The following TNRC6A variants were observed in gnomAD, a reference collection of about 807,000 sequenced individuals.
TNRC6A encodes the protein trinucleotide repeat containing adaptor 6A, also known as trinucleotide repeat-containing gene 6A protein.
Under a neutral mutation model 221.2 loss-of-function variants are expected in TNRC6A, and 44 were observed. That is an observed-to-expected ratio of 0.20 (90% CI 0.16 to 0.26). The LOEUF (loss-of-function observed/expected upper bound fraction) is 0.26, where lower values mean the gene tolerates loss of function less well. Among genes scored for constraint, TNRC6A ranks in the 10% least tolerant of loss-of-function variants. The probability of loss-of-function intolerance (pLI) is 1.00; values close to 1 mark genes in which losing one functional copy is unlikely to be tolerated. For synonymous variants in TNRC6A, 847 were observed against 838.5 expected, an observed-to-expected ratio of 1.01 and a Z score of -0.18; for missense variants, 2,199 against 2,404.4, an observed-to-expected ratio of 0.91 and a Z score of 1.79.
rs187522500 is a variant in TNRC6A at position 24,782,376 on chromosome 16, G to C, written c.589+5018G>C. Among the ~76,000 whole-genome samples, 246 of 152,240 alleles carry C rather than the reference G, an allele frequency of 1.6e-3. 5 individuals are homozygous for C. Among genetic ancestry groups the C allele is most frequent in the Non-Finnish European group, 2.6e-4 (18 of 68,012 alleles). On this transcript the variant is annotated intron_variant, in intron 5 of 24. Transcript: ENST00000395799. ...GGAACAGAGATCTGGGCCTATTTTA[G>C]TCCAGCTTTTTTGGGAGGTACCTAC...
chr16:24,689,989 TAAAAA>T (rs60944175), intron 2 of TNRC6A, among the ~76,000 whole-genome samples: 19 of 97,504 alleles, frequency 1.9e-4, no homozygotes, highest in East Asian at 3.5e-4. Flanking sequence ...AGGCTTAAAG[TAAAAA>T]AAAAAAAAAA....
chr16:24,805,883 C>G (rs574726101), intron 15 of TNRC6A, 150 bp downstream of exon 15: 4 of 1,115,888 alleles, frequency 3.6e-6, no homozygotes, highest in South Asian at 1.6e-5. Flanking sequence ...GGAGACAGAT[C>G]GTGAACATTT....
At chr16:24,743,692 C>T (rs919184968) in intron 2 of TNRC6A, among the ~76,000 whole-genome samples, 3 of 152,186 alleles carry the variant, frequency 2.0e-5, no homozygotes, top group African/African-American at 7.2e-5. Flanking sequence ...ATCCTTAACC[C>T]TTAATCCTCA....
chr16:24,738,085 G>A (rs867416796), intron 2 of TNRC6A, among the ~76,000 whole-genome samples: 3 of 152,156 alleles, frequency 2.0e-5, no homozygotes, highest in East Asian at 1.9e-4. Context: ...CTCGAGCCAC[G>A]TTTCTGAGGC....
chr16:24,663,915 G>GT, intron 2 of TNRC6A: 1 of 456,628 alleles, frequency 2.2e-6, no homozygotes, highest in Non-Finnish European at 4.4e-6. Flanking sequence ...ATTTTAAGCC[G>GT]TTAGCAGTTA....
rs2056599350 is a variant in TNRC6A, at chr16:24,730,297, G to C, written c.50G>C (p.Ser17Thr). 10 of 1,602,414 alleles carry C rather than the reference G, an allele frequency of 6.2e-6. 1 individual carries two copies. Among genetic ancestry groups the C allele is most frequent in the Non-Finnish European group, 8.5e-6 (10 of 1,175,674 alleles). The change falls in exon 2 of 25, where the codon AGC becomes ACC. Residue 17 changes from serine (S) to threonine (T), a missense_variant. Around this residue, in one of 8 missense-constraint regions of TNRC6A, gnomAD observed 1,405 missense variants for 1,400.2 expected, o/e 1.00. Transcript: ENST00000395799. ...ACCAAAGACGTAGAAAGAAATCTTA[G>C]CAGGTAAGATGGGCGAGCTTTCCGT... is the stretch of plus-strand genomic sequence containing the variant. ...KATKDVERNLSRDLVQEEEQL... is the reference protein window; with the variant it reads ...KATKDVERNLTRDLVQEEEQL...
chr16:24,748,460 C>G (rs188934309), intron 2 of TNRC6A, among the ~76,000 whole-genome samples: 18 of 152,166 alleles, frequency 1.2e-4, no homozygotes, highest in African/African-American at 4.1e-4. Context: ...GAGTCATGGC[C>G]ACAGTTGGCA....
intron 21 of TNRC6A, chr16:24,819,545 T>TTTTTCTTA (rs1174161212): frequency 6.9e-6 from 1 of 145,178 alleles, no homozygotes; most frequent in African/African-American, 2.6e-5. Flanking sequence ...TTTTTTGTTT[T>TTTTTCTTA]GCCATACAGG....
intron 2 of TNRC6A, among the ~76,000 whole-genome samples, chr16:24,721,528 A>C (rs1396884536): frequency 6.6e-6 from 1 of 151,814 alleles, no homozygotes; most frequent in Non-Finnish European, 1.5e-5. Context: ...TAGTAGGGCC[A>C]GGTGCCATGC....
chr16:24,817,141 CGAA>C (rs780207087), intron 20 of TNRC6A, among the ~76,000 whole-genome samples, 185 bp downstream of exon 20: 5 of 152,014 alleles, frequency 3.3e-5, no homozygotes, highest in Non-Finnish European at 7.4e-5. Context: ...AGAAAGAAAA[CGAA>C]GAAGAAGAAT....
At chr16:24,633,256 G>C (rs1373766718) in intron 1 of TNRC6A, among the ~76,000 whole-genome samples, 1 of 152,140 alleles carries the variant, frequency 6.6e-6, no homozygotes, top group Admixed American at 6.5e-5. Flanking sequence ...TCAGCTCAGA[G>C]TATTATCTCT....
chr16:24,688,100 T>C (rs2055679608), intron 2 of TNRC6A, among the ~76,000 whole-genome samples: 1 of 93,752 alleles, frequency 1.1e-5, no homozygotes, highest in Non-Finnish European at 2.1e-5. Context: ...GCCCTGCTAA[T>C]TTTTTTTTTT....
intron 21 of TNRC6A, chr16:24,819,551 A>G (rs2058727207): frequency 9.8e-6 from 1 of 101,846 alleles, no homozygotes; most frequent in Non-Finnish European, 2.0e-5. Flanking sequence ...GTTTTGCCAT[A>G]CAGGCTTAGT....
At chr16:24,692,474 G>T (rs1056722272) in intron 2 of TNRC6A, among the ~76,000 whole-genome samples, 33 of 152,106 alleles carry the variant, frequency 2.2e-4, no homozygotes, top group African/African-American at 8.0e-4. Flanking sequence ...GGAGGCTGAG[G>T]CAGGAGAATC....
chr16:24,785,107 A>T, intron 5 of TNRC6A, among the ~76,000 whole-genome samples: 1 of 152,202 alleles, frequency 6.6e-6, no homozygotes, highest in East Asian at 1.9e-4. Flanking sequence ...TATCTTTGAC[A>T]TATACTTGGA....
rs142527792 is a variant in TNRC6A at position 24,644,588 on chromosome 16, C to T, written n.402+3579C>T. Among the ~76,000 whole-genome samples the T allele has an allele frequency of 3.9e-3, 586 of 152,128 alleles. 5 individuals carry two copies. The highest frequency in any genetic ancestry group is 0.013 in the African/African-American group (553 of 41,510). On this transcript the variant is annotated intron_variant and non_coding_transcript_variant, in intron 2 of 2. Transcript: ENST00000566108. ...GGACTACAGGTTCATGACACTACAC[C>T]AGGCTAATTTGGTTTTTTTTTGTGG... is the stretch of plus-strand genomic sequence containing the variant.
At chr16:24,805,527 A>G in intron 14 of TNRC6A, 78 bp from the exon 15 acceptor site, 1 of 1,568,454 alleles carries the variant, frequency 6.4e-7, no homozygotes, top group African/African-American at 1.4e-5. Flanking sequence ...TGCTCTATTG[A>G]CAACTGAAAA....
chr16:24,712,222 T>C (rs1274177334), intron 2 of TNRC6A, among the ~76,000 whole-genome samples: 1 of 150,646 alleles, frequency 6.6e-6, no homozygotes, highest in African/African-American at 2.4e-5. Flanking sequence ...AGCATGATCA[T>C]AGACCACTGC....
At chr16:24,816,483 G>A (rs551081030) in intron 19 of TNRC6A, 13 of 201,428 alleles carry the variant, frequency 6.5e-5, no homozygotes, top group Non-Finnish European at 9.1e-5. Context: ...TCCAACCTGG[G>A]TGATAGAGAA....
Sources: allele counts gnomAD v4.1 joint callset (sites outside exome capture counted in the v4.1 genomes callset), GRCh38; gene constraint gnomAD v4.1.1; regional missense constraint gnomAD v4.1.1; transcripts MANE v1.5; gene names NCBI Gene and HGNC (gene_info 2026-07-23, HGNC 2026-07-21).